VPS13B: variants seen among roughly 807,000 people sequenced by gnomAD.
VPS13B encodes the protein intermembrane lipid transfer protein VPS13B.
Under a neutral mutation model 426.4 loss-of-function variants are expected in VPS13B, and 285 were observed. That is an observed-to-expected ratio of 0.67 (90% confidence interval 0.61 to 0.74). VPS13B has a LOEUF of 0.74. Ranked by LOEUF, VPS13B falls within the 30% of genes least tolerant of loss-of-function variation. The probability of loss-of-function intolerance (pLI) is 0.00; values close to 1 mark genes in which losing one functional copy is unlikely to be tolerated. For missense variants in VPS13B, 4,537 were observed against 4,782.6 expected (o/e 0.95, Z 1.51); for synonymous variants, 1,676 against 1,676.4 (o/e 1.00, Z 0.01).
intron 23 of VPS13B, among the ~76,000 whole-genome samples, chr8:99,460,524 T>G (rs191798262): frequency 6.6e-6 from 1 of 152,312 alleles, no homozygotes; most frequent in Admixed American, 6.5e-5. Flanking sequence ...GTCTTTCATA[T>G]AACCCACATA....
At chr8:99,756,479 C>T (rs1403059048) in intron 39 of VPS13B, among the ~76,000 whole-genome samples, 1 of 152,120 alleles carries the variant, frequency 6.6e-6, no homozygotes, top group Non-Finnish European at 1.5e-5. Flanking sequence ...TGATGACAAA[C>T]ATTTATCTAC....
At chr8:99,254,522 T>G (rs1817655290) in intron 17 of VPS13B, among the ~76,000 whole-genome samples, 1 of 152,070 alleles carries the variant, frequency 6.6e-6, no homozygotes, top group Admixed American at 6.5e-5. Context: ...TTGAGTTTAC[T>G]CTGTTAGGGG....
At chr8:99,852,181 A>G (rs1324019843) in intron 55 of VPS13B, among the ~76,000 whole-genome samples, 10 of 151,898 alleles carry the variant, frequency 6.6e-5, no homozygotes, top group Non-Finnish European at 1.3e-4. Context: ...GAGAGAGACT[A>G]TCTGCAGATT....
At chr8:99,190,826 T>A (rs1052874696) in intron 16 of VPS13B, among the ~76,000 whole-genome samples, 1 of 149,388 alleles carries the variant, frequency 6.7e-6, no homozygotes, top group Non-Finnish European at 1.5e-5. Flanking sequence ...AATGTTTCTT[T>A]CTTCTTCTTT....
rs75757248 is a variant in VPS13B at position 99,860,903 on chromosome 8, G to A, written c.11045-873G>A. On this transcript the variant is annotated intron_variant, in intron 57 of 61. Coordinates refer to ENST00000357162, the MANE Select transcript of VPS13B (RefSeq NM_152564.5). ...TCACTGGTTTTTCAGTTAACATCCT[G>A]AATATCAAAATTGCACATATTCTCC... Among the ~76,000 whole-genome samples the A allele has an allele frequency of 9.0e-4, 137 of 152,286 alleles. 1 individual carries two copies. In the East Asian group the frequency reaches 0.025, roughly 28 times the overall value.
intron 2 of VPS13B, among the ~76,000 whole-genome samples, chr8:99,020,461 T>A (rs1563486848): frequency 6.6e-6 from 1 of 152,208 alleles, no homozygotes; most frequent in Admixed American, 6.5e-5. Flanking sequence ...ATAGTGTCCT[T>A]TGATGCACCA....
rs554189239 is a variant in VPS13B at position 99,232,048 on chromosome 8, G to T, written c.2515+38991G>T. 3.3e-5 allele frequency among the ~76,000 whole-genome samples: 5 copies of T among 152,214 alleles called. No individual in the cohort carries two copies. In the East Asian group the frequency reaches 9.6e-4, roughly 29 times the overall value. ...TAACCAAGCGTAAGTTGAGGCTGAC[G>T]TGTGTGTTTTGCTTTTGTTCCTTTT... On this transcript the variant is annotated intron_variant, in intron 17 of 61. Coordinates refer to ENST00000357162, the MANE Select transcript of VPS13B (RefSeq NM_152564.5).
intron 34 of VPS13B, among the ~76,000 whole-genome samples, chr8:99,642,897 G>C (rs1456676287): frequency 6.6e-6 from 1 of 152,002 alleles, no homozygotes; most frequent in Non-Finnish European, 1.5e-5. Flanking sequence ...GTTTGTTTTT[G>C]GTATTCTTTT....
At chr8:99,546,903 C>T (rs2133743560) in intron 30 of VPS13B, among the ~76,000 whole-genome samples, 1 of 152,008 alleles carries the variant, frequency 6.6e-6, no homozygotes, top group Middle Eastern at 3.4e-3. Flanking sequence ...TTAATTTAGC[C>T]ACAATTTACT....
At chr8:99,549,773 C>G (rs566308595) in intron 30 of VPS13B, among the ~76,000 whole-genome samples, 1 of 152,254 alleles carries the variant, frequency 6.6e-6, no homozygotes, top group African/African-American at 2.4e-5. Context: ...TCCAGGCCCG[C>G]TGTTCAGAGC....
At chr8:99,629,169 A>G (rs1020632859) in intron 33 of VPS13B, among the ~76,000 whole-genome samples, 26 of 152,184 alleles carry the variant, frequency 1.7e-4, no homozygotes, top group Non-Finnish European at 3.2e-4. Context: ...TGTTCTGAGG[A>G]TTAAATGAGT....
At chr8:99,334,312 T>C (rs571708948) in intron 19 of VPS13B, among the ~76,000 whole-genome samples, 3 of 152,116 alleles carry the variant, frequency 2.0e-5, no homozygotes, top group Non-Finnish European at 2.9e-5. Context: ...TGCTTCTCAG[T>C]AACTAATAAT....
At chr8:99,173,333 GC>G (rs1755287086) in intron 16 of VPS13B, among the ~76,000 whole-genome samples, 1 of 152,098 alleles carries the variant, frequency 6.6e-6, no homozygotes, top group Admixed American at 6.6e-5. Context: ...GGCATCATTT[GC>G]CCCAGCTCAG....
chr8:99,118,630 T>G (rs568990406), intron 7 of VPS13B, among the ~76,000 whole-genome samples: 48 of 152,334 alleles, frequency 3.2e-4, no homozygotes, highest in Non-Finnish European at 6.3e-4. Flanking sequence ...GAATTTCATA[T>G]AAATGGAAAC....
At chr8:99,017,565 G>C (rs1841686878) in intron 2 of VPS13B, among the ~76,000 whole-genome samples, 1 of 151,644 alleles carries the variant, frequency 6.6e-6, no homozygotes, top group Non-Finnish European at 1.5e-5. Context: ...TGTGATCTCG[G>C]CTCACTGCAA....
intron 17 of VPS13B, among the ~76,000 whole-genome samples, chr8:99,193,355 G>T (rs1813710506): frequency 6.6e-6 from 1 of 152,040 alleles, no homozygotes; most frequent in Non-Finnish European, 1.5e-5. Flanking sequence ...TGTTTGAAAT[G>T]ATAACCAAAT....
At chr8:99,077,019 T>C (rs913013468) in intron 3 of VPS13B, among the ~76,000 whole-genome samples, 1 of 152,168 alleles carries the variant, frequency 6.6e-6, no homozygotes, top group East Asian at 1.9e-4. Flanking sequence ...GTGTATCTGC[T>C]CTACCAGTGA....
chr8:99,164,051 A>C (rs1811849098), intron 15 of VPS13B, among the ~76,000 whole-genome samples: 1 of 152,144 alleles, frequency 6.6e-6, no homozygotes, highest in Non-Finnish European at 1.5e-5. Context: ...GGGGCGAAGA[A>C]GGGGCCCTGC....
chr8:99,755,971 A>G (rs1810619767), intron 39 of VPS13B, among the ~76,000 whole-genome samples: 1 of 152,038 alleles, frequency 6.6e-6, no homozygotes, highest in Non-Finnish European at 1.5e-5. Context: ...TACAGCCTGT[A>G]TATGTTAAAA....
Sources: gnomAD v4.1 joint callset for allele counts (sites outside exome capture counted in the v4.1 genomes callset) on GRCh38, gnomAD v4.1.1 for gene constraint, MANE v1.5 for transcripts, NCBI Gene and HGNC (gene_info 2026-07-23, HGNC 2026-07-21) for gene names.